Variants in PRDM1 observed in about 807,000 individuals in gnomAD.
The protein encoded by PRDM1 is PR domain zinc finger protein 1.
PRDM1 carries 13 observed loss-of-function variants against 62.8 expected under a neutral mutation model. The ratio of observed to expected loss-of-function variants is 0.21; its 90% CI spans 0.13 to 0.33. The LOEUF is 0.33. Among genes scored for constraint, PRDM1 ranks in the 10% least tolerant of loss-of-function variants. The pLI is 1.00. For missense variants in PRDM1, 895 were observed against 1,058.8 expected (o/e 0.85, Z 2.15); for synonymous variants, 396 against 417.6 (o/e 0.95, Z 0.63).
chr6:106,094,783 G>T (rs1162985462), intron 2 of PRDM1, among the ~76,000 whole-genome samples: 1 of 151,702 alleles, frequency 6.6e-6, no homozygotes, highest in African/African-American at 2.4e-5. Context: ...CATGCCTGTA[G>T]TCCCAGCTAC....
intron 1 of PRDM1, among the ~76,000 whole-genome samples, chr6:106,014,122 C>T (rs1185886754): frequency 2.3e-5 from 3 of 128,578 alleles, no homozygotes; most frequent in East Asian, 2.4e-4. Context: ...TGCAGTGGTG[C>T]GATCATGGCT....
intron 1 of PRDM1, among the ~76,000 whole-genome samples, chr6:106,031,102 G>A (rs1368743543): frequency 1.3e-5 from 2 of 151,652 alleles, no homozygotes; most frequent in Admixed American, 1.3e-4. Flanking sequence ...CAGCCCAAGT[G>A]GTGCCAAGAG....
chr6:106,022,966 T>C (rs1396233571), intron 1 of PRDM1, among the ~76,000 whole-genome samples: 1 of 152,228 alleles, frequency 6.6e-6, no homozygotes, highest in African/African-American at 2.4e-5. Flanking sequence ...CTAAATGGCT[T>C]CAGGCTGCTG....
At chr6:106,052,983 G>A (rs1048049485) in intron 1 of PRDM1, among the ~76,000 whole-genome samples, 2 of 150,900 alleles carry the variant, frequency 1.3e-5, no homozygotes, top group Non-Finnish European at 3.0e-5. Context: ...AAAAAGTTAT[G>A]GTCACTATTT....
At chr6:106,021,794 A>G (rs968120399) in intron 1 of PRDM1, among the ~76,000 whole-genome samples, 14 of 151,776 alleles carry the variant, frequency 9.2e-5, no homozygotes, top group African/African-American at 3.4e-4. Context: ...CTAATTTTGT[A>G]TTTTTAGTAG....
chr6:106,076,991 C>T (rs558858167), intron 1 of PRDM1, among the ~76,000 whole-genome samples: 1 of 152,348 alleles, frequency 6.6e-6, no homozygotes, highest in African/African-American at 2.4e-5. Context: ...GTCACTTTCA[C>T]TTGGAAAATC....
At chr6:106,090,817 T>A (rs1773940877) in intron 2 of PRDM1, among the ~76,000 whole-genome samples, 1 of 151,816 alleles carries the variant, frequency 6.6e-6, no homozygotes, top group African/African-American at 2.4e-5. Context: ...TGTGCTGACA[T>A]ACCGGGGAAT....
chr6:105,995,166 G>A (rs1282817147), intron 1 of PRDM1, among the ~76,000 whole-genome samples: 2 of 152,290 alleles, frequency 1.3e-5, no homozygotes, highest in South Asian at 2.1e-4. Flanking sequence ...CAAGTGCATA[G>A]GTTAGGCTTG....
chr6:106,087,035 ACCT>A (rs1024318815), intron 1 of PRDM1, among the ~76,000 whole-genome samples: 1 of 151,836 alleles, frequency 6.6e-6, no homozygotes, highest in Non-Finnish European at 1.5e-5. Context: ...GAATGTAAAA[ACCT>A]CCTTGAAGGA....
intron 1 of PRDM1, among the ~76,000 whole-genome samples, chr6:106,052,557 A>C (rs1011935140): frequency 2.6e-5 from 4 of 152,196 alleles, no homozygotes; most frequent in Non-Finnish European, 5.9e-5. Context: ...TATTAAATTA[A>C]CAATTGTTTT....
chr6:106,060,923 A>G (rs1773335316), intron 1 of PRDM1, among the ~76,000 whole-genome samples: 1 of 152,136 alleles, frequency 6.6e-6, no homozygotes. Flanking sequence ...CAAGGGGGAT[A>G]GACCAGGAGA....
upstream of PRDM1, among the ~76,000 whole-genome samples, chr6:106,083,409 A>T (rs1773728874): frequency 6.6e-6 from 1 of 152,016 alleles, no homozygotes; most frequent in Admixed American, 6.5e-5. Flanking sequence ...CGAAAAAAAA[A>T]ATTTTTTTTC....
chr6:106,017,654 G>A (rs1772638684), intron 1 of PRDM1, among the ~76,000 whole-genome samples: 1 of 152,232 alleles, frequency 6.6e-6, no homozygotes, highest in Admixed American at 6.5e-5. Flanking sequence ...CTCAATGATG[G>A]ATGATGCAGC....
intron 1 of PRDM1, among the ~76,000 whole-genome samples, chr6:106,070,201 A>G (rs1773489229): frequency 6.6e-6 from 1 of 152,170 alleles, no homozygotes; most frequent in African/African-American, 2.4e-5. Context: ...CATTAAGACT[A>G]ATTAGAGGAA....
chr6:106,079,900 T>C (rs190693877), intron 1 of PRDM1, among the ~76,000 whole-genome samples: 13 of 152,342 alleles, frequency 8.5e-5, no homozygotes, highest in Admixed American at 3.9e-4. Flanking sequence ...AACCACTCTT[T>C]AGGCTATTGA....
At chr6:106,053,209 T>C (rs1403008476) in intron 1 of PRDM1, among the ~76,000 whole-genome samples, 1 of 152,180 alleles carries the variant, frequency 6.6e-6, no homozygotes, top group African/African-American at 2.4e-5. Context: ...GCTTTGCCTA[T>C]GGTGACCCTC....
intron 1 of PRDM1, among the ~76,000 whole-genome samples, chr6:106,008,750 G>T (rs992533520): frequency 8.5e-5 from 13 of 152,152 alleles, no homozygotes; most frequent in African/African-American, 2.9e-4. Context: ...CTTTATCCCC[G>T]TTTCTCCAGG....
At chr6:106,076,165 G>A (rs1773603716) in intron 1 of PRDM1, among the ~76,000 whole-genome samples, 2 of 152,058 alleles carry the variant, frequency 1.3e-5, no homozygotes, top group Admixed American at 6.5e-5. Context: ...TGCCCAGGCT[G>A]GTCTCAAACT....
At chr6:106,063,383 T>C (rs907639133) in intron 1 of PRDM1, among the ~76,000 whole-genome samples, 6 of 152,088 alleles carry the variant, frequency 3.9e-5, no homozygotes, top group African/African-American at 1.2e-4. Flanking sequence ...TCCTACCAAA[T>C]AATGAAAAGT....
Sources: allele counts gnomAD v4.1 joint callset (sites outside exome capture counted in the v4.1 genomes callset), GRCh38; gene constraint gnomAD v4.1.1; transcripts MANE v1.5; gene names NCBI Gene and HGNC (gene_info 2026-07-23, HGNC 2026-07-21).